NRXN1: variants seen among roughly 807,000 people sequenced by gnomAD.
The protein encoded by NRXN1 is neurexin 1, also known as neurexin-1.
In NRXN1, 39 loss-of-function variants were observed where a neutral mutation model predicts 150.9. The observed-to-expected ratio is 0.26, with a 90% CI of 0.20 to 0.34. The LOEUF (loss-of-function observed/expected upper bound fraction) is 0.34, where lower values mean the gene tolerates loss of function less well. Among genes scored for constraint, NRXN1 ranks in the 10% least tolerant of loss-of-function variants. The pLI, the probability that NRXN1 is intolerant of heterozygous loss-of-function variation, is 1.00. For missense variants in NRXN1, 1,815 were observed against 1,949.9 expected, an observed-to-expected ratio of 0.93 and a Z score of 1.30; for synonymous variants, 924 against 757.0, an observed-to-expected ratio of 1.22 and a Z score of -3.62.
intron 19 of NRXN1, among the ~76,000 whole-genome samples, chr2:50,075,460 A>T (rs1696938853): frequency 6.6e-6 from 1 of 152,320 alleles, no homozygotes; most frequent in African/African-American, 2.4e-5. Context: ...CTCAACAGGA[A>T]TAAACTGAAC....
chr2:50,745,299 G>T (rs868508578), intron 5 of NRXN1, among the ~76,000 whole-genome samples: 2 of 131,416 alleles, frequency 1.5e-5, no homozygotes, highest in Non-Finnish European at 3.2e-5. Flanking sequence ...ATTTATATCT[G>T]CCCCCCCCCA....
chr2:50,143,939 T>C (rs1330238709), intron 18 of NRXN1, among the ~76,000 whole-genome samples: 2 of 152,026 alleles, frequency 1.3e-5, no homozygotes, highest in African/African-American at 4.8e-5. Context: ...AATTTTAACA[T>C]TCTCCAAAAC....
At chr2:50,646,313 T>G (rs952325063) in intron 5 of NRXN1, among the ~76,000 whole-genome samples, 1 of 152,056 alleles carries the variant, frequency 6.6e-6, no homozygotes, top group Non-Finnish European at 1.5e-5. Flanking sequence ...TTCCTGAACT[T>G]TTCTGCATCC....
chr2:50,578,082 C>G (rs1435713767), intron 8 of NRXN1, among the ~76,000 whole-genome samples: 1 of 152,128 alleles, frequency 6.6e-6, no homozygotes, highest in African/African-American at 2.4e-5. Flanking sequence ...CAATTTGGTA[C>G]TGCTCATTCC....
chr2:50,851,581 G>C (rs374600242), intron 5 of NRXN1, among the ~76,000 whole-genome samples: 2 of 152,094 alleles, frequency 1.3e-5, no homozygotes, highest in African/African-American at 4.8e-5. Context: ...CTGTACATCA[G>C]GATACACAAC....
intron 5 of NRXN1, among the ~76,000 whole-genome samples, chr2:50,646,565 A>T (rs1479982156): frequency 6.6e-6 from 1 of 151,924 alleles, no homozygotes; most frequent in Admixed American, 6.6e-5. Flanking sequence ...TTTCTATGGG[A>T]GGACAAAAAG....
rs139151456 is a variant in NRXN1, at chr2:50,742,262, CAT to C, written c.833-118649_833-118648del. ...TACATATATATAAATGCAATATTTA[CAT>C]ATATATATATATACTCTTTTTTCTT... On this transcript the variant is annotated intron_variant, in intron 5 of 22. Transcript: ENST00000401669. Among the ~76,000 whole-genome samples the C allele has an allele frequency of 7.4e-5, 11 of 148,832 alleles. No homozygotes were observed. In the South Asian group the frequency reaches 8.4e-4, roughly 11 times the overall value.
chr2:50,992,466 T>C (rs1242989868), intron 2 of NRXN1, among the ~76,000 whole-genome samples: 1 of 151,934 alleles, frequency 6.6e-6, no homozygotes, highest in Non-Finnish European at 1.5e-5. Context: ...ATAGAAATTA[T>C]CAGCTGGTAG....
chr2:50,429,976 A>T (rs1355691828), intron 17 of NRXN1, among the ~76,000 whole-genome samples: 1 of 152,178 alleles, frequency 6.6e-6, no homozygotes, highest in Non-Finnish European at 1.5e-5. Context: ...ACATTTCAGC[A>T]TGTGCCCTTT....
intron 18 of NRXN1, among the ~76,000 whole-genome samples, chr2:50,189,998 T>C (rs974807743): frequency 1.3e-5 from 2 of 152,158 alleles, no homozygotes; most frequent in African/African-American, 2.4e-5. Flanking sequence ...ATGAGATTAG[T>C]AGCAAAAGGC....
rs1179180689 is a variant in NRXN1 at position 49,920,332 on chromosome 2, C to T, written c.*1612G>A. 1 of 152,442 alleles carries T rather than the reference C, an allele frequency of 6.6e-6. No individual in the cohort carries two copies. Among genetic ancestry groups the T allele is most frequent in the Non-Finnish European group, 1.5e-5 (1 of 68,012 alleles). 9.4% of individuals were successfully genotyped at this position (152,442 alleles called of 1,614,324 possible). On this transcript the variant is annotated 3_prime_UTR_variant, in exon 23 of 23. Transcript: ENST00000401669. ...AAAGTGTTTACTTTCCAGAAATGTT[C>T]ATCATGCACATCAGATTCAGAGATA... is the stretch of plus-strand genomic sequence containing the variant.
intron 5 of NRXN1, among the ~76,000 whole-genome samples, chr2:50,869,984 G>A (rs1382452325): frequency 6.6e-6 from 1 of 151,790 alleles, no homozygotes; most frequent in Non-Finnish European, 1.5e-5. Context: ...ACACTTAAAT[G>A]CTTTTTGGCT....
rs78158909 is a variant in NRXN1, at chr2:50,344,050, T to C, written c.3365-107080A>G. ...TTCCTTTCACCCTCATCTATTAGGC[T>C]CAAGGGTTCTTTACTTGTGGGTCCT... On this transcript the variant is annotated intron_variant, in intron 17 of 22. Transcript: ENST00000401669. 6.1e-4 allele frequency among the ~76,000 whole-genome samples: 93 copies of C among 152,282 alleles called. No homozygotes were observed. In the East Asian group the frequency reaches 8.1e-3, roughly 13 times the overall value.
chr2:50,640,191 A>G (rs886762646), intron 5 of NRXN1, among the ~76,000 whole-genome samples: 1 of 152,146 alleles, frequency 6.6e-6, no homozygotes, highest in Non-Finnish European at 1.5e-5. Context: ...AATTATCACC[A>G]TAAGACTTGG....
intron 8 of NRXN1, among the ~76,000 whole-genome samples, chr2:50,597,957 G>A (rs1263845915): frequency 6.6e-6 from 1 of 152,000 alleles, no homozygotes; most frequent in Non-Finnish European, 1.5e-5. Flanking sequence ...TGGCCAATAT[G>A]GTGAAACGTC....
chr2:50,238,828 C>T (rs1712905), intron 17 of NRXN1, among the ~76,000 whole-genome samples: 65,562 of 151,738 alleles, frequency 0.43, 14,471 homozygotes, highest in African/African-American at 0.47. Flanking sequence ...ATATAGACCT[C>T]TTCCAAGAAA....
At chr2:49,940,023 C>CTGTT (rs1431184946) in intron 22 of NRXN1, among the ~76,000 whole-genome samples, 1 of 152,026 alleles carries the variant, frequency 6.6e-6, no homozygotes, top group Non-Finnish European at 1.5e-5. Context: ...TAGATTTTTC[C>CTGTT]TGTTTCTTCC....
At chr2:50,317,360 T>G (rs757843843) in intron 17 of NRXN1, among the ~76,000 whole-genome samples, 2 of 151,784 alleles carry the variant, frequency 1.3e-5, no homozygotes, top group African/African-American at 2.4e-5. Context: ...AAAGAGATCT[T>G]TAAAACAGTC....
At chr2:50,990,787 T>C (rs896163393) in intron 2 of NRXN1, among the ~76,000 whole-genome samples, 1 of 152,038 alleles carries the variant, frequency 6.6e-6, no homozygotes, top group Non-Finnish European at 1.5e-5. Context: ...ATGGCTCACA[T>C]GCTGGCCAAG....
Sources: allele counts gnomAD v4.1 joint callset (sites outside exome capture counted in the v4.1 genomes callset), GRCh38; gene constraint gnomAD v4.1.1; transcripts MANE v1.5; gene names NCBI Gene and HGNC (gene_info 2026-07-23, HGNC 2026-07-21).